Variants in SOX5 observed in about 807,000 individuals in gnomAD.
SOX5 encodes SRY-box transcription factor 5, also known as transcription factor SOX-5.
In SOX5, 9 loss-of-function variants were observed where a neutral mutation model predicts 92.0. The ratio of observed to expected loss-of-function variants is 0.10; its 90% CI spans 0.06 to 0.17. The LOEUF (loss-of-function observed/expected upper bound fraction) is 0.17. SOX5 is among the 10% of genes least tolerant of loss of function. The pLI is 1.00. For missense variants in SOX5, 642 were observed against 944.5 expected (o/e 0.68, Z 4.20); for synonymous variants, 344 against 336.3 (o/e 1.02, Z -0.25).
intron 2 of SOX5, among the ~76,000 whole-genome samples, chr12:24,347,581 C>T (rs1285242776): frequency 6.6e-6 from 1 of 152,102 alleles, no homozygotes; most frequent in African/African-American, 2.4e-5. Context: ...TAAATAATGA[C>T]ATTTTCATCA....
intron 2 of SOX5, among the ~76,000 whole-genome samples, chr12:24,298,908 G>C: frequency 6.6e-6 from 1 of 151,530 alleles, no homozygotes; most frequent in East Asian, 1.9e-4. Context: ...CTAGTTTTCA[G>C]TATGTAAAAT....
chr12:23,966,804 C>G (rs1947636813), intron 4 of SOX5, among the ~76,000 whole-genome samples: 1 of 152,108 alleles, frequency 6.6e-6, no homozygotes, highest in African/African-American at 2.4e-5. Context: ...GCTTTGTAAA[C>G]TGAAACGTAA....
chr12:24,203,938 C>T (rs921623111), intron 4 of SOX5, among the ~76,000 whole-genome samples: 9 of 152,048 alleles, frequency 5.9e-5, no homozygotes, highest in Admixed American at 2.6e-4. Flanking sequence ...CAATTATTTA[C>T]GTTTTGAGTA....
In SOX5 at chr12:23,755,913, A is replaced by G. The variant is rs1049149551; in HGVS notation, c.482-189T>C. 3.4e-4 allele frequency among the ~76,000 whole-genome samples: 51 copies of G among 151,836 alleles called. 1 individual carries two copies. The highest frequency in any genetic ancestry group is 4.4e-5 in the Non-Finnish European group (3 of 67,870). On this transcript the variant is annotated intron_variant, in intron 3 of 14. Coordinates refer to ENST00000451604, the MANE Select transcript of SOX5 (RefSeq NM_006940.6). ...TGTCACCTGCTGTTTCAAAATCATT[A>G]GCTTTTTCCTCTTGCGGAACAAAGC...
intron 1 of SOX5, among the ~76,000 whole-genome samples, chr12:24,530,816 T>A (rs1951131129): frequency 6.6e-6 from 1 of 152,116 alleles, no homozygotes; most frequent in African/African-American, 2.4e-5. Context: ...GAACCTACTC[T>A]TGCTTGTGTC....
intron 1 of SOX5, among the ~76,000 whole-genome samples, chr12:24,552,933 G>A (rs914755401): frequency 4.2e-5 from 6 of 143,322 alleles, no homozygotes; most frequent in African/African-American, 1.4e-4. Context: ...TCAGGAGGCC[G>A]AGGTAGGAGG....
intron 3 of SOX5, among the ~76,000 whole-genome samples, chr12:23,813,020 A>C (rs1279645210): frequency 6.6e-6 from 1 of 152,208 alleles, no homozygotes; most frequent in African/African-American, 2.4e-5. Flanking sequence ...ACAGCAAAAA[A>C]TCACACATTT....
Position 23,905,934 on chromosome 12 carries a change from T to C in SOX5, c.39-9910A>G, listed in dbSNP as rs144349870. ...TATCTCAAAAACAGAAACACCTTTA[T>C]CTGAGATAAAACATTTGGTCACAGA... is the stretch of plus-strand genomic sequence containing the variant. On this transcript the variant is annotated intron_variant, in intron 1 of 14. Coordinates refer to ENST00000451604, the MANE Select transcript of SOX5 (RefSeq NM_006940.6). 1.9e-3 allele frequency among the ~76,000 whole-genome samples: 292 copies of C among 152,302 alleles called. 3 individuals carry two copies. Among genetic ancestry groups the C allele is most frequent in the Non-Finnish European group, 2.7e-3 (187 of 68,006 alleles).
chr12:24,262,929 G>T (rs1329797751), intron 3 of SOX5, among the ~76,000 whole-genome samples: 1 of 152,098 alleles, frequency 6.6e-6, no homozygotes, highest in Non-Finnish European at 1.5e-5. Flanking sequence ...TGTCTTATAA[G>T]GAAATTACTG....
intron 4 of SOX5, among the ~76,000 whole-genome samples, chr12:24,187,216 T>C (rs1956101465): frequency 6.6e-6 from 1 of 152,148 alleles, no homozygotes; most frequent in Non-Finnish European, 1.5e-5. Context: ...AAAGATGTAA[T>C]AGTGTCATAT....
At chr12:23,608,108 G>GAAAAAA (rs1566278538) in intron 8 of SOX5, among the ~76,000 whole-genome samples, 90 of 5,674 alleles carry the variant, frequency 0.016, 3 homozygotes, top group African/African-American at 0.022. Flanking sequence ...TGTCTCAAAA[G>GAAAAAA]AAAAAAGAAA....
At chr12:23,615,984 G>C (rs1409675356) in intron 8 of SOX5, among the ~76,000 whole-genome samples, 1 of 152,102 alleles carries the variant, frequency 6.6e-6, no homozygotes, top group African/African-American at 2.4e-5. Context: ...CATATAGATA[G>C]TTACCTCTCA....
intron 3 of SOX5, among the ~76,000 whole-genome samples, chr12:23,807,509 G>C (rs888264234): frequency 1.3e-5 from 2 of 152,108 alleles, no homozygotes; most frequent in African/African-American, 4.8e-5. Flanking sequence ...GAAGTATCAA[G>C]GCTTGACAGT....
At chr12:23,825,354 G>C (rs1457102162) in intron 3 of SOX5, among the ~76,000 whole-genome samples, 1 of 152,118 alleles carries the variant, frequency 6.6e-6, no homozygotes, top group Non-Finnish European at 1.5e-5. Flanking sequence ...TGCAATTCCC[G>C]GGTGAGGCAA....
intron 11 of SOX5, among the ~76,000 whole-genome samples, chr12:23,556,762 A>G (rs188729969): frequency 6.6e-6 from 1 of 152,326 alleles, no homozygotes; most frequent in African/African-American, 2.4e-5. Context: ...GAGTTCCTTC[A>G]TATTCACTTT....
At chr12:24,259,581 A>G (rs1158250387) in intron 3 of SOX5, among the ~76,000 whole-genome samples, 1 of 152,232 alleles carries the variant, frequency 6.6e-6, no homozygotes, top group African/African-American at 2.4e-5. Context: ...ATGGAATATG[A>G]TCAATGAAAT....
At chr12:24,188,617 G>A (rs1956234980) in intron 4 of SOX5, among the ~76,000 whole-genome samples, 1 of 152,116 alleles carries the variant, frequency 6.6e-6, no homozygotes, top group African/African-American at 2.4e-5. Context: ...GTAGAAAAAT[G>A]CAAAGTATGG....
chr12:24,400,928 C>T (rs998212273), intron 1 of SOX5, among the ~76,000 whole-genome samples: 1 of 152,182 alleles, frequency 6.6e-6, no homozygotes, highest in African/African-American at 2.4e-5. Context: ...AAATCTGGCT[C>T]ACTCCTTTGA....
rs140904081 is a variant in SOX5, at chr12:23,732,756, G to A, written c.810+1928C>T. On this transcript the variant is annotated intron_variant, in intron 6 of 14. Transcript: ENST00000451604. Reference sequence around the variant, plus strand: ...TTTAAAATTCTCATACTCCACAAAAGTTCTATTATAGTCAGAAAACTTTGC... The same window carrying A: ...TTTAAAATTCTCATACTCCACAAAAATTCTATTATAGTCAGAAAACTTTGC... Among the ~76,000 whole-genome samples, 1,210 of 152,174 alleles carry A rather than the reference G, an allele frequency of 8.0e-3. 15 individuals are homozygous for A. The highest frequency in any genetic ancestry group is 0.028 in the African/African-American group (1,156 of 41,522).
Sources: gnomAD v4.1 joint callset for allele counts (sites outside exome capture counted in the v4.1 genomes callset) on GRCh38, gnomAD v4.1.1 for gene constraint, MANE v1.5 for transcripts, NCBI Gene and HGNC (gene_info 2026-07-23, HGNC 2026-07-21) for gene names.